ECHDC1: variants seen among roughly 807,000 people sequenced by gnomAD.
ECHDC1 encodes the protein ethylmalonyl-CoA decarboxylase 1, also known as ethylmalonyl-CoA decarboxylase.
A neutral mutation model predicts 29.7 loss-of-function variants in ECHDC1; 29 were observed. The observed-to-expected ratio is 0.98, with a 90% CI of 0.73 to 1.33. The LOEUF is 1.33. Among genes scored for constraint, ECHDC1 ranks in the 40% most tolerant of loss-of-function variants. The pLI is 0.00. For missense variants in ECHDC1, 328 were observed against 350.0 expected (o/e 0.94, Z 0.50); for synonymous variants, 126 against 123.1 (o/e 1.02, Z -0.15).
chr6:127,300,333 G>C (rs527959268), intron 5 of ECHDC1, among the ~76,000 whole-genome samples: 1 of 152,280 alleles, frequency 6.6e-6, no homozygotes, highest in South Asian at 2.1e-4. Flanking sequence ...GATTGGCCCC[G>C]AAGAGATGAC....
chr6:127,328,883 C>T (rs1480795865), intron 2 of ECHDC1, among the ~76,000 whole-genome samples: 3 of 151,900 alleles, frequency 2.0e-5, no homozygotes, highest in Non-Finnish European at 2.9e-5. Context: ...AAAAACTAGC[C>T]GGGCGTGGTG....
chr6:127,340,774 C>T (rs952433678), intron 1 of ECHDC1, among the ~76,000 whole-genome samples: 1 of 150,952 alleles, frequency 6.6e-6, no homozygotes. Flanking sequence ...TGCCATAATC[C>T]TCTGTTTAGA....
At chr6:127,334,657 A>G (rs765184702) in intron 1 of ECHDC1, among the ~76,000 whole-genome samples, 2 of 152,178 alleles carry the variant, frequency 1.3e-5, no homozygotes, top group South Asian at 2.1e-4. Context: ...AACACCAAAT[A>G]ACCAGAGTCC....
chr6:127,317,550 A>T (rs188439510), intron 3 of ECHDC1, among the ~76,000 whole-genome samples: 362 of 147,350 alleles, frequency 2.5e-3, no homozygotes, highest in Middle Eastern at 7.6e-3. Flanking sequence ...ATGAGAAATT[A>T]AAAAAAATTG....
chr6:127,326,829 G>C lies in ECHDC1; in HGVS notation c.363+173C>G. On this transcript the variant is annotated intron_variant, in intron 3 of 5. Transcript: ENST00000454859. ...TACTAGTAAAACCTCAGAATCATTT[G>C]CTTGTTATATTGTTCCTCCTATAAT... The C allele has an allele frequency of 6.5e-6, 4 of 617,360 alleles. No individual in the cohort carries two copies. The East Asian group carries it at 1.2e-4, about 18-fold the overall frequency. The allele number at this position is 617,360 out of a possible 1,614,324, so 38.2% of individuals were successfully genotyped here. A position where few individuals can be genotyped will look rare whatever the true frequency, so the allele number is the denominator to read the frequency against.
intron 3 of ECHDC1, among the ~76,000 whole-genome samples, chr6:127,324,716 G>C (rs1390130038): frequency 6.6e-6 from 1 of 152,192 alleles, no homozygotes; most frequent in East Asian, 1.9e-4. Flanking sequence ...CAAAAGGATA[G>C]GGGAGTGACA....
chr6:127,340,391 C>T (rs541298363), intron 1 of ECHDC1, among the ~76,000 whole-genome samples: 9 of 152,270 alleles, frequency 5.9e-5, no homozygotes, highest in African/African-American at 2.2e-4. Flanking sequence ...TTTCTCCCTC[C>T]TCTCTCCTCT....
At chr6:127,316,647 GTCTGAAATGCAAATAATGCTGTA>G in intron 3 of ECHDC1, 145 bp from the exon 4 acceptor site, 1 of 645,016 alleles carries the variant, frequency 1.6e-6, no homozygotes, top group Non-Finnish European at 2.6e-6. Flanking sequence ...CTTTGATGTT[GTCTGAAATGCAAATAATGCTGTA>G]TTTGACTGTT....
chr6:127,311,905 T>C (rs1052233632), intron 5 of ECHDC1, among the ~76,000 whole-genome samples: 16 of 151,892 alleles, frequency 1.1e-4, no homozygotes, highest in African/African-American at 3.4e-4. Flanking sequence ...TGTGGCTCTA[T>C]AGGATACTAA....
At chr6:127,329,701 T>C (rs1466133779) in intron 2 of ECHDC1, 4 of 303,250 alleles carry the variant, frequency 1.3e-5, no homozygotes. Flanking sequence ...ATTAGTGACA[T>C]ATTGAAAAAA....
chr6:127,310,514 T>G (rs951754320), intron 5 of ECHDC1, among the ~76,000 whole-genome samples: 1 of 152,088 alleles, frequency 6.6e-6, no homozygotes, highest in African/African-American at 2.4e-5. Context: ...GCAAGACAAT[T>G]GGAATTAGAA....
chr6:127,308,191 CA>C (rs1562313619), intron 5 of ECHDC1, among the ~76,000 whole-genome samples: 1 of 151,878 alleles, frequency 6.6e-6, no homozygotes, highest in African/African-American at 2.4e-5. Context: ...AAAGACACAT[CA>C]AAAAAAGAAA....
intron 5 of ECHDC1, among the ~76,000 whole-genome samples, chr6:127,307,337 TA>T (rs1562312872): frequency 6.6e-6 from 1 of 151,694 alleles, no homozygotes; most frequent in Admixed American, 6.6e-5. Flanking sequence ...AAATCTAAAT[TA>T]AAAAAATATT....
At chr6:127,324,565 T>C (rs1227724830) in intron 3 of ECHDC1, among the ~76,000 whole-genome samples, 1 of 152,188 alleles carries the variant, frequency 6.6e-6, no homozygotes, top group Non-Finnish European at 1.5e-5. Flanking sequence ...ACCTAGATCT[T>C]AGTTTCTATC....
At chr6:127,333,739 T>C (rs1403704161) in intron 1 of ECHDC1, among the ~76,000 whole-genome samples, 1 of 151,148 alleles carries the variant, frequency 6.6e-6, no homozygotes, top group Admixed American at 6.6e-5. Context: ...CCACCAGTTA[T>C]AATGTATGCA....
intron 3 of ECHDC1, among the ~76,000 whole-genome samples, chr6:127,317,419 C>T (rs1782476249): frequency 6.6e-6 from 1 of 152,070 alleles, no homozygotes; most frequent in Non-Finnish European, 1.5e-5. Context: ...ACCTCAAACT[C>T]AGCACGGCAA....
chr6:127,311,421 C>A (rs1781889211), intron 5 of ECHDC1, among the ~76,000 whole-genome samples: 1 of 151,992 alleles, frequency 6.6e-6, no homozygotes, highest in Non-Finnish European at 1.5e-5. Flanking sequence ...CGCCTGTAAT[C>A]CCAGCACTTT....
chr6:127,302,553 C>G (rs1411573659), intron 5 of ECHDC1, among the ~76,000 whole-genome samples: 1 of 151,990 alleles, frequency 6.6e-6, no homozygotes, highest in African/African-American at 2.4e-5. Context: ...GCGCCTGCCA[C>G]CATGCCCGGC....
At chr6:127,331,425 C>T (rs981645426) in intron 1 of ECHDC1, among the ~76,000 whole-genome samples, 6 of 152,130 alleles carry the variant, frequency 3.9e-5, no homozygotes, top group Non-Finnish European at 8.8e-5. Flanking sequence ...GGATTATAGG[C>T]GTGAGCTGTC....
Sources: gnomAD v4.1 joint callset for allele counts (sites outside exome capture counted in the v4.1 genomes callset) on GRCh38, gnomAD v4.1.1 for gene constraint, MANE v1.5 for transcripts, NCBI Gene and HGNC (gene_info 2026-07-23, HGNC 2026-07-21) for gene names.